The following THSD7B variants were observed in gnomAD, a reference collection of about 807,000 sequenced individuals.
The protein encoded by THSD7B is thrombospondin type-1 domain-containing protein 7B.
In THSD7B, 138 loss-of-function variants were observed where a neutral mutation model predicts 213.6. That is an observed-to-expected ratio of 0.65 (90% CI 0.56 to 0.74). THSD7B has a LOEUF of 0.74. Among genes scored for constraint, THSD7B ranks in the 30% least tolerant of loss-of-function variants. The pLI, the probability that THSD7B is intolerant of heterozygous loss-of-function variation, is 0.00. For synonymous variants in THSD7B, 742 were observed against 687.0 expected, an observed-to-expected ratio of 1.08 and a Z score of -1.25; for missense variants, 1,931 against 1,991.5, an observed-to-expected ratio of 0.97 and a Z score of 0.58.
chr2:137,390,598 C>T (rs562215375), intron 12 of THSD7B, among the ~76,000 whole-genome samples: 17 of 152,166 alleles, frequency 1.1e-4, no homozygotes, highest in African/African-American at 3.9e-4. Context: ...AGTGGATATC[C>T]TTGTCTTGTT....
chr2:137,401,565 C>T (rs1299573466), intron 12 of THSD7B, among the ~76,000 whole-genome samples: 1 of 151,734 alleles, frequency 6.6e-6, no homozygotes, highest in Admixed American at 6.6e-5. Flanking sequence ...CCAGAAGACA[C>T]CTGAAAACTA....
chr2:136,825,288 T>C (rs373901234), intron 1 of THSD7B, among the ~76,000 whole-genome samples: 5 of 152,208 alleles, frequency 3.3e-5, no homozygotes, highest in African/African-American at 1.2e-4. Context: ...TTTATTATCT[T>C]ATAGGTCTGG....
At chr2:137,582,063 G>A (rs1205658619) in intron 17 of THSD7B, among the ~76,000 whole-genome samples, 1 of 151,850 alleles carries the variant, frequency 6.6e-6, no homozygotes, top group African/African-American at 2.4e-5. Flanking sequence ...CTAAGATGGC[G>A]CCACTGCACT....
chr2:137,113,038 G>A (rs962313136), intron 4 of THSD7B, among the ~76,000 whole-genome samples: 6 of 152,068 alleles, frequency 3.9e-5, no homozygotes, highest in Non-Finnish European at 5.9e-5. Context: ...CTCTTTTTGC[G>A]TGTCTTCTTT....
chr2:137,558,185 A>G (rs564476096), intron 15 of THSD7B, among the ~76,000 whole-genome samples: 1 of 152,326 alleles, frequency 6.6e-6, no homozygotes, highest in Non-Finnish European at 1.5e-5. Flanking sequence ...TCAATAGAAA[A>G]AGAGGGAATT....
intron 12 of THSD7B, among the ~76,000 whole-genome samples, chr2:137,331,348 C>A (rs1312536282): frequency 2.5e-5 from 3 of 121,888 alleles, no homozygotes; most frequent in African/African-American, 9.5e-5. Context: ...TAGACATAAA[C>A]GTTCTCCAAG....
At chr2:137,532,234 T>C (rs1444495820) in intron 15 of THSD7B, among the ~76,000 whole-genome samples, 1 of 151,908 alleles carries the variant, frequency 6.6e-6, no homozygotes, top group Non-Finnish European at 1.5e-5. Flanking sequence ...TGATCAAATG[T>C]ATTATGGTAG....
At chr2:137,496,875 G>A (rs6740469) in intron 15 of THSD7B, among the ~76,000 whole-genome samples, 61,858 of 151,914 alleles carry the variant, frequency 0.41, 13,858 homozygotes, top group East Asian at 0.62. Context: ...TTAGAGATAC[G>A]GAAATTCACA....
At chr2:136,807,931 T>G (rs2104927854) in intron 1 of THSD7B, among the ~76,000 whole-genome samples, 1 of 152,340 alleles carries the variant, frequency 6.6e-6, no homozygotes, top group Non-Finnish European at 1.5e-5. Flanking sequence ...ATGCTCTTTG[T>G]TACTGTGATT....
chr2:136,993,138 A>G (rs7588767), intron 2 of THSD7B, among the ~76,000 whole-genome samples: 90,011 of 152,140 alleles, frequency 0.59, 29,072 homozygotes, highest in East Asian at 0.94. Context: ...GAGGATTGTC[A>G]GTACTGGCCT....
chr2:137,566,643 G>A (rs1283929299), intron 16 of THSD7B, among the ~76,000 whole-genome samples: 5 of 152,134 alleles, frequency 3.3e-5, no homozygotes, highest in South Asian at 2.1e-4. Flanking sequence ...CATGCCCATC[G>A]GGTTTCATAA....
intron 12 of THSD7B, among the ~76,000 whole-genome samples, chr2:137,372,209 T>C (rs1685547871): frequency 6.6e-6 from 1 of 151,800 alleles, no homozygotes; most frequent in Non-Finnish European, 1.5e-5. Flanking sequence ...GTCAGTCTTC[T>C]GGAAGCTGAG....
intron 15 of THSD7B, among the ~76,000 whole-genome samples, chr2:137,536,051 T>C (rs904651155): frequency 1.3e-4 from 20 of 149,254 alleles, no homozygotes; most frequent in African/African-American, 4.4e-4. Context: ...GGTATGTGAG[T>C]CACTCTCCTA....
At chr2:137,083,544 C>G (rs1687785325) in intron 3 of THSD7B, among the ~76,000 whole-genome samples, 1 of 152,062 alleles carries the variant, frequency 6.6e-6, no homozygotes, top group East Asian at 1.9e-4. Flanking sequence ...TCAAGTTGTT[C>G]TAATTTTTTA....
At chr2:137,381,326 G>A (rs1201488237) in intron 12 of THSD7B, among the ~76,000 whole-genome samples, 1 of 152,214 alleles carries the variant, frequency 6.6e-6, no homozygotes, top group Non-Finnish European at 1.5e-5. Context: ...AGTTGGATGG[G>A]CATTTTTGAC....
intron 16 of THSD7B, among the ~76,000 whole-genome samples, chr2:137,565,371 A>C (rs560554520): frequency 6.6e-6 from 1 of 152,174 alleles, no homozygotes; most frequent in African/African-American, 2.4e-5. Context: ...GGGTTTTAGT[A>C]CTCTTTCATA....
intron 26 of THSD7B, 46 bp downstream of exon 26, chr2:137,663,621 G>T (rs752668996): frequency 2.7e-5 from 41 of 1,518,748 alleles, no homozygotes; most frequent in Middle Eastern, 1.8e-4. Flanking sequence ...CTCATGGGAG[G>T]TCTATATTTT....
intron 15 of THSD7B, among the ~76,000 whole-genome samples, chr2:137,513,676 ATT>A (rs1680013231): frequency 6.6e-6 from 1 of 152,134 alleles, no homozygotes; most frequent in Non-Finnish European, 1.5e-5. Context: ...TTTCTGTCTT[ATT>A]TAGAGTATCT....
chr2:137,201,271 G>GTGTGCA (rs1178601719), intron 7 of THSD7B, among the ~76,000 whole-genome samples: 1 of 152,080 alleles, frequency 6.6e-6, no homozygotes, highest in African/African-American at 2.4e-5. Context: ...TCTGGGGTGT[G>GTGTGCA]TGTGCATGTG....
Sources: allele counts gnomAD v4.1 joint callset (sites outside exome capture counted in the v4.1 genomes callset), GRCh38; gene constraint gnomAD v4.1.1; transcripts MANE v1.5; gene names NCBI Gene and HGNC (gene_info 2026-07-23, HGNC 2026-07-21).